The following ZFP90 variants were observed in gnomAD, a reference collection of about 807,000 sequenced individuals.
ZFP90 encodes zinc finger protein 90 homolog.
Under a neutral mutation model 60.8 loss-of-function variants are expected in ZFP90, and 38 were observed. The ratio of observed to expected loss-of-function variants is 0.62; its 90% CI spans 0.48 to 0.82. ZFP90 has a LOEUF of 0.82. Among genes scored for constraint, ZFP90 ranks in the 40% least tolerant of loss-of-function variants. The pLI, the probability that ZFP90 is intolerant of heterozygous loss-of-function variation, is 0.00. For synonymous variants in ZFP90, 287 were observed against 264.8 expected (o/e 1.08, Z -0.82); for missense variants, 711 against 759.1 (o/e 0.94, Z 0.74).
At chr16:68,537,478 C>T (rs1055744434), upstream of ZFP90, among the ~76,000 whole-genome samples, 5 of 152,166 alleles carry the variant, frequency 3.3e-5, no homozygotes, top group African/African-American at 9.7e-5. Flanking sequence ...AGAGGCCTCC[C>T]GGTCCACTCT....
intron 2 of ZFP90, among the ~76,000 whole-genome samples, chr16:68,557,617 G>C (rs1236862836): frequency 1.3e-5 from 2 of 151,648 alleles, no homozygotes; most frequent in African/African-American, 4.9e-5. Flanking sequence ...ATTTCTGAAA[G>C]TAAAGTGGGA....
chr16:68,571,289 G>T (rs2091566570), downstream of ZFP90, among the ~76,000 whole-genome samples: 3 of 152,156 alleles, frequency 2.0e-5, no homozygotes, highest in Admixed American at 2.0e-4. Flanking sequence ...TTAGTCAGAA[G>T]TCACATGGTG....
chr16:68,543,810 C>T (rs1208468780), intron 2 of ZFP90, among the ~76,000 whole-genome samples: 2 of 151,214 alleles, frequency 1.3e-5, no homozygotes, highest in African/African-American at 4.9e-5. Context: ...CTGCCTGTCT[C>T]AGCCTCCCAA....
chr16:68,551,636 C>G (rs1441260381), intron 2 of ZFP90, among the ~76,000 whole-genome samples: 1 of 152,078 alleles, frequency 6.6e-6, no homozygotes, highest in African/African-American at 2.4e-5. Flanking sequence ...GTCTCAAACT[C>G]CTGATCTCAG....
In ZFP90 at chr16:68,566,707, A is replaced by G; in HGVS notation, c.*2009A>G. 1 of 985,536 alleles carries G rather than the reference A, an allele frequency of 1.0e-6. No homozygotes were observed. Among genetic ancestry groups the G allele is most frequent in the Non-Finnish European group, 1.2e-6 (1 of 829,928 alleles). 61.0% of individuals were successfully genotyped at this position (985,536 alleles called of 1,614,324 possible). A position where few individuals can be genotyped will look rare whatever the true frequency, so the allele number is the denominator to read the frequency against. On this transcript the variant is annotated 3_prime_UTR_variant, in exon 5 of 5. Coordinates refer to ENST00000563169, the MANE Select transcript of ZFP90 (RefSeq NM_001305203.2). ...CTATTATCTGATACATAGTTTGACAATGGGTAATTCTACTCAGACCCTCCC... is the reference window on the plus strand; with the variant it reads ...CTATTATCTGATACATAGTTTGACAGTGGGTAATTCTACTCAGACCCTCCC...
intron 2 of ZFP90, among the ~76,000 whole-genome samples, chr16:68,554,136 T>C (rs930072334): frequency 6.7e-6 from 1 of 149,886 alleles, no homozygotes; most frequent in African/African-American, 2.5e-5. Flanking sequence ...TTTTTTTTTT[T>C]TTTGAGATGG....
chr16:68,547,892 A>G (rs2091179740), intron 2 of ZFP90, among the ~76,000 whole-genome samples: 1 of 150,404 alleles, frequency 6.6e-6, no homozygotes, highest in South Asian at 2.1e-4. Flanking sequence ...CTAGAGGGCA[A>G]TCTCAGCTCA....
intron 2 of ZFP90, among the ~76,000 whole-genome samples, chr16:68,544,700 G>A (rs531857240): frequency 1.2e-4 from 19 of 152,140 alleles, no homozygotes; most frequent in Non-Finnish European, 2.6e-4. Flanking sequence ...ATCAGGTCAG[G>A]ATGTTTGTAG....
chr16:68,564,178 A>T lies in ZFP90; in HGVS notation c.1391A>T (p.Asp464Val). 1 of 1,614,124 alleles carries T rather than the reference A, an allele frequency of 6.2e-7. No individual in the cohort carries two copies. Among genetic ancestry groups the T allele is most frequent in the East Asian group, 2.2e-5 (1 of 44,866 alleles). Residue 464 changes from aspartate to valine, a missense_variant, in exon 5 of 5, where the codon GAC (aspartate) becomes GTC (valine). Transcript: ENST00000563169. The stretch of plus-strand genomic sequence containing the variant: ...GGGGAAGACTTTAGTCACATTACAG[A>T]CTTTACTGACCATCAGAGGATCCAT... The part of the protein sequence containing the change: ...DCGEDFSHIT[D>V]FTDHQRIHTA...
rs1016141187 is a variant in ZFP90 at position 68,566,449 on chromosome 16, C to T, written c.*1751C>T. ...CATGCCACATAGCAGGATTCATTGC[C>T]TTTCTCTCATCATGGATGGCATGCA... On this transcript the variant is annotated 3_prime_UTR_variant, in exon 5 of 5. Transcript: ENST00000563169. The T allele has an allele frequency of 6.1e-6, 6 of 985,512 alleles. No individual in the cohort carries two copies. Among genetic ancestry groups the T allele is most frequent in the Non-Finnish European group, 6.0e-6 (5 of 829,912 alleles). The allele number at this position is 985,512 out of a possible 1,614,324, so 61.0% of individuals were successfully genotyped here. A position where few individuals can be genotyped will look rare whatever the true frequency, so the allele number is the denominator to read the frequency against.
At chr16:68,568,578 G>A (rs542272011), downstream of ZFP90, among the ~76,000 whole-genome samples, 3 of 152,232 alleles carry the variant, frequency 2.0e-5, no homozygotes, top group Admixed American at 1.3e-4. Context: ...TCCCTTGTGA[G>A]GAAAAGAGAC....
At position 68,563,201 on chromosome 16, in the gene ZFP90, G is replaced by T. The variant is rs2091463581; in HGVS notation, c.414G>T (p.Leu138=). Residue 138 remains leucine, a synonymous_variant, in exon 5 of 5, where the codon CTG becomes CTT. Transcript: ENST00000563169. ...AACAGGAAAACTGGAAGAGACATCTGGGATCAGAGGCATCCACCCAGAAGA... is the reference window on the plus strand; with the variant it reads ...AACAGGAAAACTGGAAGAGACATCTTGGATCAGAGGCATCCACCCAGAAGA... The part of the protein sequence containing the change: ...DRQQENWKRH[L]GSEASTQKKI... 6 of 1,614,082 alleles carry T rather than the reference G, an allele frequency of 3.7e-6. No homozygotes were observed. The highest frequency in any genetic ancestry group is 5.1e-6 in the Non-Finnish European group (6 of 1,180,006).
intron 2 of ZFP90, among the ~76,000 whole-genome samples, chr16:68,552,728 G>A (rs1000915104): frequency 6.6e-6 from 1 of 152,104 alleles, no homozygotes; most frequent in African/African-American, 2.4e-5. Flanking sequence ...TCACACTGAG[G>A]AATCTAAGTT....
At chr16:68,540,242 C>T (rs759876378) in intron 2 of ZFP90, among the ~76,000 whole-genome samples, 5 of 152,012 alleles carry the variant, frequency 3.3e-5, no homozygotes, top group Non-Finnish European at 5.9e-5. Context: ...ATAGAGAGTC[C>T]GTAAGGGGCC....
At chr16:68,538,892 G>C (rs1432314539), upstream of ZFP90, among the ~76,000 whole-genome samples, 1 of 152,168 alleles carries the variant, frequency 6.6e-6, no homozygotes. Flanking sequence ...TTTTGAAGAA[G>C]ATGTAAATGC....
At chr16:68,547,838 T>C (rs113195359) in intron 2 of ZFP90, among the ~76,000 whole-genome samples, 477 of 23,968 alleles carry the variant, frequency 0.02, 8 homozygotes, top group Middle Eastern at 0.024. Context: ...TGATCTCTCT[T>C]TTTTTTTTTT....
At position 68,566,331 on chromosome 16, in the gene ZFP90, C is replaced by T. The variant is rs916141743; in HGVS notation, c.*1633C>T. 9 of 985,380 alleles carry T rather than the reference C, an allele frequency of 9.1e-6. No individual in the cohort carries two copies. In the South Asian group the frequency reaches 3.8e-4, roughly 41 times the overall value. The allele number at this position is 985,380 out of a possible 1,614,324, so 61.0% of individuals were successfully genotyped here. A position where few individuals can be genotyped will look rare whatever the true frequency, so the allele number is the denominator to read the frequency against. ...ATTCCTTTTACACAAGAGCTGCCTC[C>T]CAAAGATAGATAAATTTTCCCAGCC... On this transcript the variant is annotated 3_prime_UTR_variant, in exon 5 of 5. Coordinates refer to ENST00000563169, the MANE Select transcript of ZFP90 (RefSeq NM_001305203.2).
rs766329549 is a variant in ZFP90 at position 68,563,968 on chromosome 16, T to C, written c.1181T>C (p.Phe394Ser). ...HERTHTGEKP[F>S]ECSICGRAFG... ...AGGACTCATACTGGAGAGAAACCTT[T>C]TGAATGTAGCATATGTGGGAGGGCT... The change falls in exon 5 of 5, where the codon TTT becomes TCT. Residue 394 changes from phenylalanine (F) to serine (S), a missense_variant. This residue lies in a region of ZFP90 where 146 missense variants were observed against 201.4 expected (regional missense o/e 0.73). Coordinates refer to ENST00000563169, the MANE Select transcript of ZFP90 (RefSeq NM_001305203.2). The C allele has an allele frequency of 6.2e-7, 1 of 1,613,384 alleles. No homozygotes were observed. The highest frequency in any genetic ancestry group is 1.1e-5 in the South Asian group (1 of 91,020).
Position 68,534,229 on chromosome 16 carries a change from C to CTTTTTTTTTT in ZFP90, c.-36+377_-36+378insTTTTTTTTTT, listed in dbSNP as rs1555496914. Among the ~76,000 whole-genome samples the CTTTTTTTTTT allele has an allele frequency of 9.6e-5, 13 of 135,174 alleles. 3 individuals carry two copies. The highest frequency in any genetic ancestry group is 9.4e-5 in the Non-Finnish European group (6 of 64,070). The allele number at this position is 135,174 out of a possible 152,430, so 88.7% of individuals were successfully genotyped here. A position where few individuals can be genotyped will look rare whatever the true frequency, so the allele number is the denominator to read the frequency against. Reference sequence around the variant, plus strand: ...CATTTTTAACTTAAAGATTTTCTTTCTTTCTTTTTTTTTTTTTGAGACAGC... The same window carrying CTTTTTTTTTT: ...CATTTTTAACTTAAAGATTTTCTTTCTTTTTTTTTTTTTCTTTTTTTTTTTTTGAGACAGC... On this transcript the variant is annotated intron_variant, in intron 2 of 3. Transcript: ENST00000569109.
Sources: gnomAD v4.1 joint callset for allele counts (sites outside exome capture counted in the v4.1 genomes callset) on GRCh38, gnomAD v4.1.1 for gene constraint, gnomAD v4.1.1 regional missense constraint, MANE v1.5 for transcripts, NCBI Gene and HGNC (gene_info 2026-07-23, HGNC 2026-07-21) for gene names.